Variants in GLCCI1 observed in about 807,000 individuals in gnomAD.
GLCCI1 encodes glucocorticoid induced 1.
In GLCCI1, 24 loss-of-function variants were observed where a neutral mutation model predicts 52.2. The observed-to-expected ratio is 0.46, with a 90% CI of 0.33 to 0.65. The LOEUF (loss-of-function observed/expected upper bound fraction) is 0.65. Among genes scored for constraint, GLCCI1 ranks in the 30% least tolerant of loss-of-function variants. The pLI is 0.02. For synonymous variants in GLCCI1, 310 were observed against 276.5 expected, an observed-to-expected ratio of 1.12 and a Z score of -1.20; for missense variants, 704 against 701.5, an observed-to-expected ratio of 1.00 and a Z score of -0.04.
intron 3 of GLCCI1, among the ~76,000 whole-genome samples, chr7:8,031,418 A>G (rs1158115971): frequency 6.6e-6 from 1 of 152,050 alleles, no homozygotes; most frequent in African/African-American, 2.4e-5. Flanking sequence ...GTGGGGAGCC[A>G]TGGGGAGGTG....
At chr7:8,025,063 C>G (rs1781584273) in intron 3 of GLCCI1, among the ~76,000 whole-genome samples, 1 of 152,140 alleles carries the variant, frequency 6.6e-6, no homozygotes, top group Non-Finnish European at 1.5e-5. Flanking sequence ...GGCTCATGAA[C>G]TAGTTGAGTT....
At chr7:8,009,072 C>T (rs1781210246) in intron 2 of GLCCI1, among the ~76,000 whole-genome samples, 1 of 152,172 alleles carries the variant, frequency 6.6e-6, no homozygotes, top group African/African-American at 2.4e-5. Flanking sequence ...TTATAAGATA[C>T]AGCTTTACAT....
chr7:8,006,699 A>G (rs1781158120), intron 2 of GLCCI1, among the ~76,000 whole-genome samples: 2 of 152,210 alleles, frequency 1.3e-5, no homozygotes, highest in South Asian at 2.1e-4. Context: ...TAATCTTCAT[A>G]TGGACCTGGA....
At chr7:8,070,337 T>G (rs1356682091) in intron 5 of GLCCI1, 1 of 152,250 alleles carries the variant, frequency 6.6e-6, no homozygotes, top group Non-Finnish European at 1.5e-5. Flanking sequence ...CTTCTAATAT[T>G]AGAATTCTTT....
chr7:8,021,965 T>C (rs994585479), intron 2 of GLCCI1, among the ~76,000 whole-genome samples: 33 of 152,214 alleles, frequency 2.2e-4, no homozygotes, highest in Non-Finnish European at 2.9e-5. Flanking sequence ...TAACTTTATG[T>C]GTTTTATATA....
chr7:8,041,357 T>A (rs1781994816), intron 3 of GLCCI1, among the ~76,000 whole-genome samples: 1 of 152,144 alleles, frequency 6.6e-6, no homozygotes, highest in Non-Finnish European at 1.5e-5. Flanking sequence ...AAAGAAGCCA[T>A]ATCTATAAAG....
chr7:8,018,487 C>A (rs1001901358), intron 2 of GLCCI1, among the ~76,000 whole-genome samples: 2 of 152,092 alleles, frequency 1.3e-5, no homozygotes, highest in Non-Finnish European at 2.9e-5. Flanking sequence ...TAATGGTATT[C>A]ATTTTGAAGC....
chr7:8,007,813 A>G (rs1433253684), intron 2 of GLCCI1, among the ~76,000 whole-genome samples: 1 of 152,232 alleles, frequency 6.6e-6, no homozygotes, highest in Middle Eastern at 3.4e-3. Flanking sequence ...ACATAAAAAA[A>G]TTAATATTGT....
intron 3 of GLCCI1, among the ~76,000 whole-genome samples, 154 bp from the exon 4 acceptor site, chr7:8,055,279 A>C (rs995166922): frequency 2.6e-5 from 4 of 152,252 alleles, no homozygotes; most frequent in African/African-American, 9.6e-5. Context: ...TAATAATCCC[A>C]AAAACTTGCA....
At chr7:8,002,069 C>G (rs1405616294) in intron 1 of GLCCI1, among the ~76,000 whole-genome samples, 1 of 151,328 alleles carries the variant, frequency 6.6e-6, no homozygotes, top group Non-Finnish European at 1.5e-5. Context: ...ACATTGTGCA[C>G]ATGTACCCTA....
chr7:8,062,908 T>A (rs1315446228), intron 5 of GLCCI1, among the ~76,000 whole-genome samples: 1 of 152,230 alleles, frequency 6.6e-6, no homozygotes, highest in African/African-American at 2.4e-5. Flanking sequence ...TTTGTTATTG[T>A]AAACAGTACT....
chr7:8,058,830 A>G (rs1470444467), intron 4 of GLCCI1, among the ~76,000 whole-genome samples: 5 of 152,220 alleles, frequency 3.3e-5, no homozygotes, highest in African/African-American at 1.2e-4. Flanking sequence ...TTAACCTACT[A>G]ACAGCGTACT....
chr7:8,044,367 CTT>C (rs60118378), intron 3 of GLCCI1, among the ~76,000 whole-genome samples: 1 of 140,954 alleles, frequency 7.1e-6, no homozygotes, highest in Non-Finnish European at 1.5e-5. Context: ...CCTTTTTGTA[CTT>C]TTTTTTTTTT....
intron 6 of GLCCI1, among the ~76,000 whole-genome samples, chr7:8,080,430 T>G (rs1055299018): frequency 1.3e-5 from 2 of 151,520 alleles, no homozygotes; most frequent in African/African-American, 4.9e-5. Flanking sequence ...ACTATGAAAG[T>G]ATTTTCTTTG....
chr7:7,994,664 C>T (rs1780904686), intron 1 of GLCCI1, among the ~76,000 whole-genome samples: 1 of 152,178 alleles, frequency 6.6e-6, no homozygotes, highest in African/African-American at 2.4e-5. Flanking sequence ...AATTAAATTC[C>T]AAGATGAGTT....
intron 1 of GLCCI1, chr7:7,970,525 T>C (rs1234852941): frequency 6.6e-6 from 1 of 152,576 alleles, no homozygotes; most frequent in African/African-American, 2.4e-5. Context: ...TGAAAACTTA[T>C]TTGTGGAACG....
intron 2 of GLCCI1, 115 bp downstream of exon 2, chr7:8,004,174 G>A: frequency 1.1e-6 from 1 of 925,260 alleles, no homozygotes; most frequent in African/African-American, 1.6e-5. Context: ...TCCAACCAAG[G>A]AAGAAAGGAA....
chr7:8,088,897 T>C lies in GLCCI1; in HGVS notation c.*2359T>C, dbSNP rs1783175467. The C allele has an allele frequency of 1.3e-5, 2 of 152,674 alleles. No homozygotes were observed. Among genetic ancestry groups the C allele is most frequent in the African/African-American group, 2.4e-5 (1 of 41,458 alleles). 9.5% of individuals were successfully genotyped at this position (152,674 alleles called of 1,614,324 possible). A position where few individuals can be genotyped will look rare whatever the true frequency, so the allele number is the denominator to read the frequency against. On this transcript the variant is annotated 3_prime_UTR_variant, in exon 8 of 8. Transcript: ENST00000223145. ...GTATCCTACATCCAGCTGTAGAAATTTGTCAGAAATTGTTTAAATTTTGTA... is the reference window on the plus strand; with the variant it reads ...GTATCCTACATCCAGCTGTAGAAATCTGTCAGAAATTGTTTAAATTTTGTA...
At chr7:8,071,612 A>C (rs1782764080) in intron 6 of GLCCI1, among the ~76,000 whole-genome samples, 1 of 152,222 alleles carries the variant, frequency 6.6e-6, no homozygotes, top group South Asian at 2.1e-4. Flanking sequence ...GGATTTTATT[A>C]CAGTATGTAG....
Sources: gnomAD v4.1 joint callset for allele counts (sites outside exome capture counted in the v4.1 genomes callset) on GRCh38, gnomAD v4.1.1 for gene constraint, MANE v1.5 for transcripts, NCBI Gene and HGNC (gene_info 2026-07-23, HGNC 2026-07-21) for gene names.